The following PIK3CB variants were observed in gnomAD, a reference collection of about 807,000 sequenced individuals.
The protein encoded by PIK3CB is phosphatidylinositol-4,5-bisphosphate 3-kinase catalytic subunit beta.
Under a neutral mutation model 136.8 loss-of-function variants are expected in PIK3CB, and 39 were observed. That is an observed-to-expected ratio of 0.29 (90% CI 0.22 to 0.37). The LOEUF (loss-of-function observed/expected upper bound fraction) is 0.37. Ranked by LOEUF, PIK3CB falls within the 10% of genes least tolerant of loss-of-function variation. The pLI, the probability that PIK3CB is intolerant of heterozygous loss-of-function variation, is 1.00. For missense variants in PIK3CB, 868 were observed against 1,275.4 expected (o/e 0.68, Z 4.87); for synonymous variants, 428 against 436.6 (o/e 0.98, Z 0.25).
intron 2 of PIK3CB, among the ~76,000 whole-genome samples, chr3:138,792,816 T>C (rs2046067449): frequency 6.6e-6 from 1 of 152,142 alleles, no homozygotes. Context: ...CATACTCTGT[T>C]GCCCAGACTG....
intron 5 of PIK3CB, among the ~76,000 whole-genome samples, chr3:138,738,178 CTT>C (rs914327442): frequency 2.7e-5 from 4 of 146,956 alleles, no homozygotes; most frequent in Non-Finnish European, 4.5e-5. Context: ...AACATCTCAT[CTT>C]TTTTTTTTTG....
At chr3:138,787,904 T>C (rs1043799533) in intron 2 of PIK3CB, among the ~76,000 whole-genome samples, 5 of 148,396 alleles carry the variant, frequency 3.4e-5, no homozygotes, top group African/African-American at 1.2e-4. Flanking sequence ...AATCTCTCAC[T>C]AAAATTTAAC....
intron 15 of PIK3CB, 121 bp downstream of exon 15, chr3:138,690,879 T>C (rs750517592): frequency 1.4e-6 from 1 of 711,906 alleles, no homozygotes; most frequent in Non-Finnish European, 2.3e-6. Context: ...ACCAAAACCA[T>C]ATAAATGTTA....
At chr3:138,786,726 C>T (rs1478700257) in intron 2 of PIK3CB, among the ~76,000 whole-genome samples, 1 of 152,066 alleles carries the variant, frequency 6.6e-6, no homozygotes, top group Non-Finnish European at 1.5e-5. Context: ...TGGTAATCCT[C>T]CACATAAAAC....
At chr3:138,801,861 C>CAAAAAAAA (rs35232938) in intron 1 of PIK3CB, among the ~76,000 whole-genome samples, 1 of 57,376 alleles carries the variant, frequency 1.7e-5, no homozygotes, top group Non-Finnish European at 3.0e-5. Context: ...GACTCCATCT[C>CAAAAAAAA]AAAAAAAAAA....
At chr3:138,715,746 T>C (rs188554557) in intron 8 of PIK3CB, among the ~76,000 whole-genome samples, 1 of 151,780 alleles carries the variant, frequency 6.6e-6, no homozygotes, top group Non-Finnish European at 1.5e-5. Context: ...ATATTTATAA[T>C]ATAATTATGA....
At chr3:138,682,704 T>G (rs1047140128) in intron 18 of PIK3CB, among the ~76,000 whole-genome samples, 1 of 152,204 alleles carries the variant, frequency 6.6e-6, no homozygotes. Context: ...ATAATGACAT[T>G]TGTATGGTCA....
intron 3 of PIK3CB, among the ~76,000 whole-genome samples, chr3:138,757,299 G>C (rs2045586536): frequency 6.6e-6 from 1 of 152,000 alleles, no homozygotes; most frequent in African/African-American, 2.4e-5. Context: ...AGCTACTCAG[G>C]ATGCTGAAGC....
rs749009047 is a variant in PIK3CB at position 138,737,737 on chromosome 3, A to G, written c.771T>C (p.Val257=). ...ACTGAATTAGTGGATGATCACCAAA[A>G]ACATATTCTACTCTCCCGCTGACTT... ...VLQVSGRVEY[V]FGDHPLIQFQ... The change falls in exon 6 of 24, where the codon GTT becomes GTC. Residue 257 remains valine, a synonymous_variant. Coordinates refer to ENST00000674063, the MANE Select transcript of PIK3CB (RefSeq NM_006219.3). 5.6e-6 allele frequency: 9 copies of G among 1,608,106 alleles called. No homozygotes were observed. In the African/African-American group the frequency reaches 8.0e-5, roughly 14 times the overall value.
Position 138,654,937 on chromosome 3 carries a change from A to G in PIK3CB, c.*452T>C. ...AATTTGCAGTTTACACAATTTTAAA[A>G]GGGAAGAAAGATGCCTTTCTTTTTA... On this transcript the variant is annotated 3_prime_UTR_variant, in exon 24 of 24. Coordinates refer to ENST00000674063, the MANE Select transcript of PIK3CB (RefSeq NM_006219.3). 4.6e-6 allele frequency: 1 copy of G among 216,818 alleles called. No homozygotes were observed. 13.4% of individuals were successfully genotyped at this position (216,818 alleles called of 1,614,324 possible). A position where few individuals can be genotyped will look rare whatever the true frequency, so the allele number is the denominator to read the frequency against.
At chr3:138,661,840 G>GT (rs1349421385) in intron 21 of PIK3CB, among the ~76,000 whole-genome samples, 2 of 150,602 alleles carry the variant, frequency 1.3e-5, no homozygotes, top group African/African-American at 5.0e-5. Flanking sequence ...GGAATTCCTA[G>GT]GGGGGCTAAA....
intron 1 of PIK3CB, among the ~76,000 whole-genome samples, chr3:138,809,479 G>A (rs1162958620): frequency 3.3e-5 from 5 of 150,222 alleles, no homozygotes; most frequent in Admixed American, 2.7e-4. Flanking sequence ...GGTGGCAGGC[G>A]CCTGAAATCC....
At chr3:138,738,159 T>C (rs2045153656) in intron 5 of PIK3CB, among the ~76,000 whole-genome samples, 1 of 152,024 alleles carries the variant, frequency 6.6e-6, no homozygotes, top group Non-Finnish European at 1.5e-5. Context: ...CATTAGGCAT[T>C]TTCCAATGAA....
chr3:138,711,304 C>T (rs761860414), intron 10 of PIK3CB, among the ~76,000 whole-genome samples: 5 of 150,502 alleles, frequency 3.3e-5, no homozygotes, highest in Non-Finnish European at 7.4e-5. Context: ...TACGGCCAGG[C>T]GCGGTGGCTC....
intron 1 of PIK3CB, among the ~76,000 whole-genome samples, chr3:138,823,757 T>G (rs1933663409): frequency 6.6e-6 from 1 of 152,172 alleles, no homozygotes; most frequent in Admixed American, 6.6e-5. Context: ...GTAGGCTAAC[T>G]TATTAAACAG....
Position 138,714,519 on chromosome 3 carries a change from C to T in PIK3CB, c.1251G>A (p.Thr417=), listed in dbSNP as rs543449352. 52 of 1,611,572 alleles carry T rather than the reference C, an allele frequency of 3.2e-5. No individual in the cohort carries two copies. The East Asian group carries it at 8.5e-4, about 26-fold the overall frequency. Residue 417 remains threonine, a synonymous_variant, in exon 9 of 24, where the codon ACG becomes ACA. Coordinates refer to ENST00000674063, the MANE Select transcript of PIK3CB (RefSeq NM_006219.3). ...GATATTTAGAGGGATTAATAGTTTT[C>T]GTTGATTTCTTCGTTTTTACTTTAT... The part of the protein sequence containing the change: ...VLDKVKTKKS[T]KTINPSKYQT...
chr3:138,740,532 G>A (rs1471136376), intron 5 of PIK3CB, among the ~76,000 whole-genome samples: 3 of 152,104 alleles, frequency 2.0e-5, no homozygotes, highest in Admixed American at 6.6e-5. Context: ...TTGAGAAGTC[G>A]CATGCCTCCT....
intron 1 of PIK3CB, among the ~76,000 whole-genome samples, chr3:138,831,020 C>T (rs1268224808): frequency 1.3e-5 from 2 of 149,890 alleles, no homozygotes; most frequent in East Asian, 1.9e-4. Flanking sequence ...CGGTGGCTCC[C>T]GCCTGGAGTC....
At chr3:138,662,375 C>T (rs374368148) in intron 21 of PIK3CB, among the ~76,000 whole-genome samples, 1 of 148,740 alleles carries the variant, frequency 6.7e-6, no homozygotes, top group Non-Finnish European at 1.5e-5. Context: ...GGTTTTTTGT[C>T]CTTGTGATAG....
Sources: allele counts gnomAD v4.1 joint callset (sites outside exome capture counted in the v4.1 genomes callset), GRCh38; gene constraint gnomAD v4.1.1; transcripts MANE v1.5; gene names NCBI Gene and HGNC (gene_info 2026-07-23, HGNC 2026-07-21).